TCERG1L: variants seen among roughly 807,000 people sequenced by gnomAD.
TCERG1L encodes the protein transcription elongation regulator 1 like.
In TCERG1L, 37 loss-of-function variants were observed where a neutral mutation model predicts 56.3. That is an observed-to-expected ratio of 0.66 (90% confidence interval 0.51 to 0.87). The LOEUF (loss-of-function observed/expected upper bound fraction) is 0.87, where lower values mean the gene tolerates loss of function less well. TCERG1L is among the 40% of genes least tolerant of loss of function. TCERG1L has a pLI of 0.00. For missense variants in TCERG1L, 799 were observed against 774.2 expected, an observed-to-expected ratio of 1.03 and a Z score of -0.38; for synonymous variants, 324 against 326.3, an observed-to-expected ratio of 0.99 and a Z score of 0.08.
At chr10:131,277,747 G>A (rs1005400178) in intron 3 of TCERG1L, among the ~76,000 whole-genome samples, 1 of 152,216 alleles carries the variant, frequency 6.6e-6, no homozygotes, top group Non-Finnish European at 1.5e-5. Context: ...TCTCAGCGCA[G>A]ATCTCAAGGA....
intron 10 of TCERG1L, 98 bp downstream of exon 10, chr10:131,104,166 GT>G (rs1468750169): frequency 2.5e-6 from 2 of 806,144 alleles, no homozygotes; most frequent in Non-Finnish European, 4.0e-6. Context: ...TACAACATGG[GT>G]GTCTGTTATT....
rs138037689 is a variant in TCERG1L at position 131,118,325 on chromosome 10, C to G, written c.1260-1391G>C. On this transcript the variant is annotated intron_variant, in intron 8 of 11. Coordinates refer to ENST00000368642, the MANE Select transcript of TCERG1L (RefSeq NM_174937.4). This position sits in a 1 kb window ranked among gnomAD's most constrained non-coding sequence, Gnocchi z 4.2. ...CCCGCTCCTTTCAAAACCAGCTCAC[C>G]CTGGGATCTGGATTGTGAGTTTCTC... Among the ~76,000 whole-genome samples, 1 of 152,250 alleles carries G rather than the reference C, an allele frequency of 6.6e-6. No homozygotes were observed. Among genetic ancestry groups the G allele is most frequent in the African/African-American group, 2.4e-5 (1 of 41,526 alleles).
At chr10:131,284,223 T>G (rs144165206) in intron 3 of TCERG1L, among the ~76,000 whole-genome samples, 415 of 151,700 alleles carry the variant, frequency 2.7e-3, no homozygotes, top group African/African-American at 9.2e-3. Flanking sequence ...CAGCCCACAG[T>G]TTACTTCAGT....
chr10:131,160,440 C>G (rs10829937), intron 6 of TCERG1L, among the ~76,000 whole-genome samples: 46,758 of 151,484 alleles, frequency 0.31, 8,684 homozygotes, highest in Non-Finnish European at 0.42. Flanking sequence ...CCTGAAGCCC[C>G]TGGCCCTACA....
At chr10:131,300,418 C>T (rs1846748559) in intron 3 of TCERG1L, among the ~76,000 whole-genome samples, 1 of 152,148 alleles carries the variant, frequency 6.6e-6, no homozygotes, top group Admixed American at 6.5e-5. Flanking sequence ...AAAAGGCGTT[C>T]CATGTTTTCA....
chr10:131,139,730 GTGTATGTGTC>G (rs1845714749), intron 7 of TCERG1L, among the ~76,000 whole-genome samples: 1 of 151,594 alleles, frequency 6.6e-6, no homozygotes. Context: ...ATGTGTGCCT[GTGTATGTGTC>G]TGTATGTGTA....
intron 4 of TCERG1L, among the ~76,000 whole-genome samples, chr10:131,257,010 AAAG>A (rs1564827211): frequency 1.4e-5 from 2 of 142,688 alleles, no homozygotes; most frequent in African/African-American, 5.3e-5. Context: ...AGAAAGAAAG[AAAG>A]AAAGAAAGAA....
In TCERG1L at chr10:131,228,150, C is replaced by T. The variant is rs150842682; in HGVS notation, c.856+32109G>A. Reference sequence around the variant, plus strand: ...ACTCCAGACAGGCATTTCCTCAAGGCCTCCGGAGTCTCCCCTCCGGACAGG... The same window carrying T: ...ACTCCAGACAGGCATTTCCTCAAGGTCTCCGGAGTCTCCCCTCCGGACAGG... On this transcript the variant is annotated intron_variant, in intron 4 of 11. Transcript: ENST00000368642. Among the ~76,000 whole-genome samples the T allele has an allele frequency of 8.3e-3, 1,234 of 148,692 alleles. 26 individuals carry two copies. The highest frequency in any genetic ancestry group is 0.068 in the East Asian group (332 of 4,858).
At chr10:131,148,817 T>G (rs1845831747) in intron 6 of TCERG1L, among the ~76,000 whole-genome samples, 1 of 151,960 alleles carries the variant, frequency 6.6e-6, no homozygotes, top group African/African-American at 2.4e-5. Flanking sequence ...GTGTCAGACT[T>G]CTGATCCTCC....
rs138685480 is a variant in TCERG1L at position 131,146,642 on chromosome 10, G to A, written c.1053C>T (p.Gly351=). The change falls in exon 7 of 12, where the codon GGC becomes GGT. Residue 351 remains glycine (G), a synonymous_variant. Coordinates refer to ENST00000368642, the MANE Select transcript of TCERG1L (RefSeq NM_174937.4). ...PGSPWCVVWT[G]DDRVFFFNPT... is the part of the protein sequence containing the mutation. ...GGTTGAAGAAGAAAACTCGGTCATC[G>A]CCCGTCCAGACCACACACCTGTTTG... 5.5e-5 allele frequency: 89 copies of A among 1,613,336 alleles called. No homozygotes were observed. The African/African-American group carries it at 7.7e-4, about 14-fold the overall frequency.
chr10:131,152,366 G>A (rs2226185), intron 6 of TCERG1L, among the ~76,000 whole-genome samples: 93,868 of 151,992 alleles, frequency 0.62, 29,877 homozygotes, highest in Non-Finnish European at 0.69. Context: ...CTCTGCTAAA[G>A]CATAGCAAAA....
chr10:131,307,087 A>G lies in TCERG1L; in HGVS notation c.670+1124T>C, dbSNP rs576655726. On this transcript the variant is annotated intron_variant, in intron 3 of 11. Coordinates refer to ENST00000368642, the MANE Select transcript of TCERG1L (RefSeq NM_174937.4). ...AAAGAACCCTCCAAAGTCATGTCAT[A>G]CTCATATAACACATGCCACTGAATC... Among the ~76,000 whole-genome samples the G allele has an allele frequency of 7.9e-5, 12 of 152,344 alleles. No homozygotes were observed. The East Asian group carries it at 2.3e-3, about 29-fold the overall frequency.
intron 3 of TCERG1L, among the ~76,000 whole-genome samples, chr10:131,275,101 C>T (rs987562936): frequency 1.1e-4 from 17 of 152,196 alleles, no homozygotes; most frequent in African/African-American, 4.1e-4. Context: ...CAAGGTTCAC[C>T]CTGTCCCTCC....
chr10:131,148,162 T>G (rs1272019587), intron 6 of TCERG1L, among the ~76,000 whole-genome samples: 1 of 152,144 alleles, frequency 6.6e-6, no homozygotes, highest in Non-Finnish European at 1.5e-5. Flanking sequence ...TCTGTACAGT[T>G]GGGATTAGGA....
intron 4 of TCERG1L, among the ~76,000 whole-genome samples, chr10:131,234,842 T>A (rs1355959066): frequency 6.6e-6 from 1 of 152,212 alleles, no homozygotes; most frequent in Admixed American, 6.5e-5. Flanking sequence ...TTGCTGGGAC[T>A]ACAGGCGTGC....
chr10:131,134,650 G>T (rs1011637892), intron 7 of TCERG1L, among the ~76,000 whole-genome samples: 2 of 152,238 alleles, frequency 1.3e-5, no homozygotes, highest in African/African-American at 4.8e-5. Context: ...TGACTGTGCT[G>T]TTCTGCAGAG....
Position 131,311,544 on chromosome 10 carries a change from G to C in TCERG1L, c.92C>G (p.Ala31Gly). 1.7e-6 allele frequency: 2 copies of C among 1,191,356 alleles called. No individual in the cohort carries two copies. Among genetic ancestry groups the C allele is most frequent in the Non-Finnish European group, 2.1e-6 (2 of 960,574 alleles). The allele number at this position is 1,191,356 out of a possible 1,614,324, so 73.8% of individuals were successfully genotyped here. The change falls in exon 1 of 12, where the codon GCA becomes GGA. Residue 31 changes from alanine to glycine, a missense_variant. Ala to Gly is a moderately conservative substitution (Grantham distance 60). Transcript: ENST00000368642. This position sits in a 1 kb window ranked among gnomAD's most constrained non-coding sequence, Gnocchi z 4.0. ...RRQPLLWPMD[A>G]EPPPPPPWVW... ...CCAGGGCGGCGGCGGCGGCGGCTCT[G>C]CGTCCATCGGCCAGAGGAGAGGCTG... is the stretch of plus-strand genomic sequence containing the variant.
rs543115094 is a variant in TCERG1L at position 131,155,654 on chromosome 10, T to C, written c.1034+7468A>G. 7.8e-4 allele frequency among the ~76,000 whole-genome samples: 119 copies of C among 152,254 alleles called. 2 individuals are homozygous for C. The South Asian group carries it at 0.024, about 31-fold the overall frequency. ...CCGCCAGTCGCCAGTGGAAGATGGATAGAACTGCCACCGGCCCCATGCAGG... is the reference window on the plus strand; with the variant it reads ...CCGCCAGTCGCCAGTGGAAGATGGACAGAACTGCCACCGGCCCCATGCAGG... On this transcript the variant is annotated intron_variant, in intron 6 of 11. Coordinates refer to ENST00000368642, the MANE Select transcript of TCERG1L (RefSeq NM_174937.4).
At chr10:131,308,457 T>G (rs2133588913) in intron 2 of TCERG1L, 66 bp from the exon 3 acceptor site, 1 of 1,375,644 alleles carries the variant, frequency 7.3e-7, no homozygotes, top group Middle Eastern at 2.2e-4. Flanking sequence ...AGCATGACCA[T>G]GAAAATATTT....
Sources: gnomAD v4.1 joint callset for allele counts (sites outside exome capture counted in the v4.1 genomes callset) on GRCh38, gnomAD v4.1.1 for gene constraint, Gnocchi (gnomAD v3.1) non-coding constraint, MANE v1.5 for transcripts, NCBI Gene and HGNC (gene_info 2026-07-23, HGNC 2026-07-21) for gene names.